QRICH2: variants seen among roughly 807,000 people sequenced by gnomAD.
The protein encoded by QRICH2 is glutamine rich 2, also known as glutamine-rich protein 2.
A neutral mutation model predicts 168.3 loss-of-function variants in QRICH2; 119 were observed. That is an observed-to-expected ratio of 0.71 (90% CI 0.61 to 0.82). The LOEUF is 0.82. QRICH2 is among the 40% of genes least tolerant of loss of function. The pLI is 0.00. For synonymous variants in QRICH2, 894 were observed against 951.2 expected, an observed-to-expected ratio of 0.94 and a Z score of 1.11; for missense variants, 2,241 against 2,491.6, an observed-to-expected ratio of 0.90 and a Z score of 2.14.
chr17:76,290,720 G>A (rs1297869129), intron 4 of QRICH2, among the ~76,000 whole-genome samples: 4 of 151,882 alleles, frequency 2.6e-5, no homozygotes, highest in Non-Finnish European at 5.9e-5. Context: ...ATTCTCTCCC[G>A]CCCACCTCCC....
rs200439043 is a variant in QRICH2 at position 76,282,132 on chromosome 17, C to T, written c.4012-17G>A. 4.8e-5 allele frequency: 76 copies of T among 1,588,002 alleles called. No individual in the cohort carries two copies. In the African/African-American group the frequency reaches 4.8e-4, roughly 10 times the overall value. Reference sequence around the variant, plus strand: ...CTTGTCCAACTGCGTGCAGGAGAGACGGCAGCAGCAGGGCAGTGAGGCCAG... The same window carrying T: ...CTTGTCCAACTGCGTGCAGGAGAGATGGCAGCAGCAGGGCAGTGAGGCCAG... On this transcript the variant is annotated splice_polypyrimidine_tract_variant and intron_variant, in intron 7 of 18. Coordinates refer to ENST00000680821, the MANE Select transcript of QRICH2 (RefSeq NM_001388453.1).
Position 76,282,044 on chromosome 17 carries a change from G to A in QRICH2, c.4083C>T (p.Ala1361=), listed in dbSNP as rs1255880628. ...SSSTLLSMSM[A]PHKAHTLAPG... is the part of the protein sequence containing the mutation. ...GAGCCAAGGTGTGGGCCTTGTGCGG[G>A]GCCATGCTCATGGACAGGAGCGTGG... The change falls in exon 8 of 19, where the codon GCC becomes GCT. Residue 1361 remains alanine (A), a synonymous_variant. Transcript: ENST00000680821. The A allele has an allele frequency of 6.2e-7, 1 of 1,613,648 alleles. No homozygotes were observed. The highest frequency in any genetic ancestry group is 8.5e-7 in the Non-Finnish European group (1 of 1,179,710).
chr17:76,279,181 G>A (rs372954775), intron 13 of QRICH2, 39 bp from the exon 14 acceptor site: 44 of 1,515,446 alleles, frequency 2.9e-5, no homozygotes, highest in Non-Finnish European at 3.7e-5. Context: ...GGTCAGAGTG[G>A]GACAAGTCCG....
intron 1 of QRICH2, among the ~76,000 whole-genome samples, chr17:76,306,118 G>A (rs1277179512): frequency 6.5e-5 from 8 of 123,716 alleles, no homozygotes; most frequent in East Asian, 2.7e-4. Flanking sequence ...GCAGTGAGCC[G>A]ACAATGCACC....
intron 18 of QRICH2, 119 bp downstream of exon 18, chr17:76,275,700 C>G (rs1029907943): frequency 1.2e-5 from 15 of 1,298,852 alleles, no homozygotes; most frequent in African/African-American, 4.5e-5. Flanking sequence ...ACCCATCCCC[C>G]CCTTCGGCTC....
At chr17:76,285,782 G>T (rs1483814789) in intron 7 of QRICH2, among the ~76,000 whole-genome samples, 2 of 151,876 alleles carry the variant, frequency 1.3e-5, no homozygotes, top group Non-Finnish European at 2.9e-5. Flanking sequence ...CCAGGAGTTG[G>T]AGATTGCAGT....
chr17:76,279,225 C>A, intron 13 of QRICH2, 83 bp from the exon 14 acceptor site: 1 of 1,354,970 alleles, frequency 7.4e-7, no homozygotes, highest in African/African-American at 1.4e-5. Flanking sequence ...AGAACCTTCC[C>A]ACCCGCCCCC....
intron 14 of QRICH2, 119 bp from the exon 15 acceptor site, chr17:76,278,308 C>G: frequency 1.0e-6 from 1 of 953,820 alleles, no homozygotes; most frequent in Non-Finnish European, 1.6e-6. Flanking sequence ...GGCTGGGGGT[C>G]GCTGGGCAGC....
Position 76,275,870 on chromosome 17 carries a change from G to GGCCATT in QRICH2, c.5425_5430dup (p.Asn1809_Gly1810dup). ...GCGCTCTGTGGCCGAGAGGGCAGCT[G>GGCCATT]GCCATTGCTGCTGAGGGATGGCGGC... On this transcript the variant is annotated inframe_insertion, in exon 18 of 19. Coordinates refer to ENST00000680821, the MANE Select transcript of QRICH2 (RefSeq NM_001388453.1). 6.2e-7 allele frequency: 1 copy of GGCCATT among 1,608,514 alleles called. No homozygotes were observed. The highest frequency in any genetic ancestry group is 8.5e-7 in the Non-Finnish European group (1 of 1,179,940).
chr17:76,293,073 G>T lies in QRICH2; in HGVS notation c.1654C>A (p.Gln552Lys), dbSNP rs1394706523. Residue 552 changes from glutamine to lysine, a missense_variant, in exon 4 of 19, where the codon CAG (glutamine) becomes AAG (lysine). By Grantham distance (53) the Gln-to-Lys change is moderately conservative (BLOSUM62 1). Coordinates refer to ENST00000680821, the MANE Select transcript of QRICH2 (RefSeq NM_001388453.1). ...AAGCCAGTTGCTTCCAAACTGGGCT[G>T]CACAAAACCTTGCTGATCTGCACTA... ...PISADQQGFV[Q>K]PSLEATGFIQ... The T allele has an allele frequency of 1.8e-5, 29 of 1,614,118 alleles. No homozygotes were observed. The highest frequency in any genetic ancestry group is 2.3e-5 in the Non-Finnish European group (27 of 1,180,054).
intron 3 of QRICH2, among the ~76,000 whole-genome samples, chr17:76,298,012 G>A (rs1241753820): frequency 6.7e-6 from 1 of 149,828 alleles, no homozygotes; most frequent in East Asian, 2.0e-4. Flanking sequence ...TGGGATCACA[G>A]GCACGCACCA....
At chr17:76,306,802 G>A (rs553494290) in intron 1 of QRICH2, among the ~76,000 whole-genome samples, 100 of 152,032 alleles carry the variant, frequency 6.6e-4, no homozygotes, top group Admixed American at 1.8e-3. Flanking sequence ...CAGGAGAATC[G>A]CTTGAGTCTG....
chr17:76,300,541 G>T (rs1263982812), intron 3 of QRICH2, among the ~76,000 whole-genome samples: 1 of 152,112 alleles, frequency 6.6e-6, no homozygotes, highest in East Asian at 1.9e-4. Flanking sequence ...GTAAAATAAA[G>T]ATTTTGAAAC....
At chr17:76,283,152 GCCCGGAGGCAGGTACCTCCGAGGGC>G (rs886601617) in intron 7 of QRICH2, among the ~76,000 whole-genome samples, 39 of 152,306 alleles carry the variant, frequency 2.6e-4, no homozygotes, top group African/African-American at 9.4e-4. Flanking sequence ...AGAAGAGCCT[GCCCGGAGGCAGGTACCTCCGAGGGC>G]CCCGGATGCA....
chr17:76,276,637 G>A, intron 17 of QRICH2, 43 bp downstream of exon 17: 1 of 1,498,470 alleles, frequency 6.7e-7, no homozygotes, highest in South Asian at 1.1e-5. Context: ...CACGCCCTGT[G>A]GGACCCACGT....
At chr17:76,278,488 C>T (rs572230528) in intron 14 of QRICH2, among the ~76,000 whole-genome samples, 2 of 152,338 alleles carry the variant, frequency 1.3e-5, no homozygotes, top group Admixed American at 6.5e-5. Context: ...CATCTCGGCG[C>T]ACCTGGCCTA....
chr17:76,294,103 G>C, intron 3 of QRICH2, 82 bp from the exon 4 acceptor site: 1 of 1,500,848 alleles, frequency 6.7e-7, no homozygotes, highest in Non-Finnish European at 8.9e-7. Flanking sequence ...TGGAAGTTCT[G>C]ACTAGGATGA....
rs148718971 is a variant in QRICH2 at position 76,287,801 on chromosome 17, T to C, written c.3895A>G (p.Arg1299Gly). The change falls in exon 6 of 19, where the codon AGA becomes GGA. Residue 1299 changes from arginine (R) to glycine (G), a missense_variant and splice_region_variant. Physicochemically the swap from Arg to Gly is moderately radical, Grantham distance 125. Transcript: ENST00000680821. ...GELRLQLGVLRVTVADIEKEL... is the reference protein window; with the variant it reads ...GELRLQLGVLGVTVADIEKEL... The stretch of plus-strand genomic sequence containing the variant: ...CTGCTCTTAGCTGGGGCATTTTACC[T>C]GAGGACACCCAGCTGCAATCTCAGC... The C allele has an allele frequency of 2.1e-4, 333 of 1,612,354 alleles. 1 individual carries two copies. The highest frequency in any genetic ancestry group is 2.6e-4 in the Non-Finnish European group (301 of 1,178,514).
chr17:76,296,605 C>G (rs560976007), intron 3 of QRICH2, among the ~76,000 whole-genome samples: 1 of 152,012 alleles, frequency 6.6e-6, no homozygotes, highest in Non-Finnish European at 1.5e-5. Flanking sequence ...AGGCGAAACC[C>G]CATCTCTACT....
Sources: gnomAD v4.1 joint callset for allele counts (sites outside exome capture counted in the v4.1 genomes callset) on GRCh38, gnomAD v4.1.1 for gene constraint, MANE v1.5 for transcripts, NCBI Gene and HGNC (gene_info 2026-07-23, HGNC 2026-07-21) for gene names.